Variants in PCDHGA8 observed in about 807,000 individuals in gnomAD.
PCDHGA8 encodes protocadherin gamma-A8.
PCDHGA8 carries 45 observed loss-of-function variants against 59.2 expected under a neutral mutation model. The observed-to-expected ratio is 0.76, with a 90% CI of 0.60 to 0.98. The LOEUF (loss-of-function observed/expected upper bound fraction) is 0.98. PCDHGA8 is among the 50% of genes least tolerant of loss of function. The probability of loss-of-function intolerance (pLI) is 0.00; values close to 1 mark genes in which losing one functional copy is unlikely to be tolerated. For missense variants in PCDHGA8, 1,257 were observed against 1,196.2 expected (o/e 1.05, Z -0.75); for synonymous variants, 531 against 519.0 (o/e 1.02, Z -0.32).
chr5:141,470,021 C>T (rs111919483), intron 1 of PCDHGA8, among the ~76,000 whole-genome samples: 8 of 152,156 alleles, frequency 5.3e-5, no homozygotes, highest in African/African-American at 1.9e-4. Flanking sequence ...CCCAGCTACT[C>T]GGGATGCTGA....
chr5:141,477,212 C>CCTCT lies in PCDHGA8; in HGVS notation c.2425-17594_2425-17591dup. 6.2e-7 allele frequency: 1 copy of CCTCT among 1,614,166 alleles called. No homozygotes were observed. The highest frequency in any genetic ancestry group is 8.5e-7 in the Non-Finnish European group (1 of 1,180,042). The stretch of plus-strand genomic sequence containing the variant: ...GTACAGCCCAGTACCCGAGGATGCC[C>CCTCT]CTCTGGGGACTGTCATCGCTTTGCT... On this transcript the variant is annotated intron_variant, in intron 1 of 3. Coordinates refer to ENST00000398604, the MANE Select transcript of PCDHGA8 (RefSeq NM_032088.2). This position sits in a 1 kb window ranked among gnomAD's most constrained non-coding sequence, Gnocchi z 4.9.
chr5:141,410,320 C>T (rs752279818), intron 1 of PCDHGA8: 54 of 1,613,880 alleles, frequency 3.3e-5, no homozygotes, highest in Non-Finnish European at 4.5e-5. Context: ...TCCTCCTCGC[C>T]GTGATTCTGG....
intron 1 of PCDHGA8, among the ~76,000 whole-genome samples, chr5:141,435,590 A>G (rs1005651004): frequency 3.3e-5 from 5 of 152,210 alleles, no homozygotes; most frequent in African/African-American, 7.2e-5. Context: ...TTGCAGTAAT[A>G]TCGCCTGCTT....
rs138463062 is a variant in PCDHGA8 at position 141,485,217 on chromosome 5, C to G, written c.2425-9590C>G. 6.8e-6 allele frequency: 11 copies of G among 1,613,996 alleles called. No individual in the cohort carries two copies. Among genetic ancestry groups the G allele is most frequent in the Non-Finnish European group, 9.3e-6 (11 of 1,179,978 alleles). ...AGCTGGACAGAAATCTGGCGGTGGGCTACCCTTTTGTTCCTCTTTTACCAC... is the reference window on the plus strand; with the variant it reads ...AGCTGGACAGAAATCTGGCGGTGGGGTACCCTTTTGTTCCTCTTTTACCAC... On this transcript the variant is annotated intron_variant, in intron 1 of 3. Coordinates refer to ENST00000398604, the MANE Select transcript of PCDHGA8 (RefSeq NM_032088.2). This position sits in a 1 kb window ranked among gnomAD's most constrained non-coding sequence, Gnocchi z 5.7.
intron 1 of PCDHGA8, chr5:141,478,308 T>A: frequency 6.2e-7 from 1 of 1,614,050 alleles, no homozygotes; most frequent in Non-Finnish European, 8.5e-7. Context: ...CGAGCCCCGG[T>A]GAGCTCACTG....
At chr5:141,497,540 C>T (rs866982821) in intron 2 of PCDHGA8, among the ~76,000 whole-genome samples, 5 of 134,944 alleles carry the variant, frequency 3.7e-5, no homozygotes, top group African/African-American at 1.1e-4. Context: ...TGCAACAAAC[C>T]TTTTTTTTTT....
intron 1 of PCDHGA8, among the ~76,000 whole-genome samples, chr5:141,459,563 C>CAAAACAGAATT (rs1554142058): frequency 5.3e-5 from 8 of 152,044 alleles, no homozygotes; most frequent in Non-Finnish European, 2.9e-5. Context: ...ATAAATACCC[C>CAAAACAGAATT]AAAACAGAAT....
At chr5:141,483,273 T>G (rs6860615) in intron 1 of PCDHGA8, among the ~76,000 whole-genome samples, 62,442 of 151,936 alleles carry the variant, frequency 0.41, 15,417 homozygotes, top group African/African-American at 0.7. Flanking sequence ...GTTTTAGAAA[T>G]ATTATTCTGT....
At chr5:141,506,805 G>A (rs1314432893) in intron 3 of PCDHGA8, among the ~76,000 whole-genome samples, 1 of 152,172 alleles carries the variant, frequency 6.6e-6, no homozygotes, top group African/African-American at 2.4e-5. Flanking sequence ...GAGGATCAAG[G>A]CATTGCCCTA....
chr5:141,508,800 C>A (rs973992018), intron 3 of PCDHGA8, among the ~76,000 whole-genome samples: 1 of 152,086 alleles, frequency 6.6e-6, no homozygotes, highest in African/African-American at 2.4e-5. Context: ...CTCTGGAATC[C>A]TGGCTCTTTG....
chr5:141,484,549 G>A (rs939394402), intron 1 of PCDHGA8, among the ~76,000 whole-genome samples: 1 of 152,162 alleles, frequency 6.6e-6, no homozygotes, highest in African/African-American at 2.4e-5. Context: ...GTTCTAATTA[G>A]CAGTTGCTCC....
At chr5:141,452,377 A>G (rs2098740152) in intron 1 of PCDHGA8, among the ~76,000 whole-genome samples, 1 of 152,222 alleles carries the variant, frequency 6.6e-6, no homozygotes, top group African/African-American at 2.4e-5. Flanking sequence ...TTAGTAGGGA[A>G]TAGTATTTAG....
chr5:141,408,096 C>T, intron 1 of PCDHGA8: 5 of 1,434,864 alleles, frequency 3.5e-6, no homozygotes, highest in Non-Finnish European at 4.6e-6. Flanking sequence ...ATTGCCAGCT[C>T]CGAGACCCGG....
intron 1 of PCDHGA8, chr5:141,422,741 A>G (rs1319821802): frequency 6.2e-7 from 1 of 1,610,084 alleles, no homozygotes; most frequent in Non-Finnish European, 8.5e-7. Flanking sequence ...CTGTCCTCCT[A>G]TGTCTCTATT....
At chr5:141,407,453 C>G (rs914537742) in intron 1 of PCDHGA8, among the ~76,000 whole-genome samples, 18 of 148,834 alleles carry the variant, frequency 1.2e-4, no homozygotes, top group African/African-American at 4.4e-4. Flanking sequence ...ACACGAGGCT[C>G]ACCAGACAGA....
intron 1 of PCDHGA8, chr5:141,408,837 T>A: frequency 6.2e-7 from 1 of 1,613,716 alleles, no homozygotes; most frequent in Non-Finnish European, 8.5e-7. Flanking sequence ...AGCTTGATAT[T>A]GACTGCCTTG....
intron 1 of PCDHGA8, chr5:141,408,379 G>C: frequency 6.2e-7 from 1 of 1,614,032 alleles, no homozygotes; most frequent in South Asian, 1.1e-5. Context: ...TCAGTGTCCT[G>C]GATGTGTCGG....
In PCDHGA8 at chr5:141,393,531, C is replaced by T. The variant is rs997965420; in HGVS notation, c.718C>T (p.Pro240Ser). Residue 240 changes from proline to serine, a missense_variant, in exon 1 of 4, where the codon CCG (proline) becomes TCG (serine). Pro to Ser is a moderately conservative substitution (Grantham distance 74). Transcript: ENST00000398604. ...AGTGTTGGATACAAATGACAATGCC[C>T]CGGTTTTTCCTCACCCGATTTACCG... ...VTVLDTNDNAPVFPHPIYRVK... is the reference protein window; with the variant it reads ...VTVLDTNDNASVFPHPIYRVK... 4 of 1,613,890 alleles carry T rather than the reference C, an allele frequency of 2.5e-6. No individual in the cohort carries two copies. Among genetic ancestry groups the T allele is most frequent in the African/African-American group, 2.7e-5 (2 of 74,946 alleles).
Position 141,485,164 on chromosome 5 carries a change from G to A in PCDHGA8, c.2425-9643G>A, listed in dbSNP as rs2099608516. 2 of 1,605,832 alleles carry A rather than the reference G, an allele frequency of 1.2e-6. No homozygotes were observed. Among genetic ancestry groups the A allele is most frequent in the Admixed American group, 1.7e-5 (1 of 59,836 alleles). On this transcript the variant is annotated intron_variant, in intron 1 of 3. Coordinates refer to ENST00000398604, the MANE Select transcript of PCDHGA8 (RefSeq NM_032088.2). This position sits in a 1 kb window ranked among gnomAD's most constrained non-coding sequence, Gnocchi z 5.7. ...CTCAGGAGCAAGTAGAGAATTAGCG[G>A]GCGGCAGCAATGCTCCGCAAGGTGA...
Sources: gnomAD v4.1 joint callset for allele counts (sites outside exome capture counted in the v4.1 genomes callset) on GRCh38, gnomAD v4.1.1 for gene constraint, Gnocchi (gnomAD v3.1) non-coding constraint, MANE v1.5 for transcripts, NCBI Gene and HGNC (gene_info 2026-07-23, HGNC 2026-07-21) for gene names.